Variants in CNTNAP2 observed in about 807,000 individuals in gnomAD.
CNTNAP2 encodes the protein contactin-associated protein-like 2.
In CNTNAP2, 98 loss-of-function variants were observed where a neutral mutation model predicts 155.2. The ratio of observed to expected loss-of-function variants is 0.63; its 90% confidence interval spans 0.54 to 0.75. The LOEUF (loss-of-function observed/expected upper bound fraction) is 0.75. CNTNAP2 is among the 30% of genes least tolerant of loss of function. The pLI is 0.00. For synonymous variants in CNTNAP2, 651 were observed against 631.2 expected (o/e 1.03, Z -0.47); for missense variants, 1,727 against 1,688.1 (o/e 1.02, Z -0.40).
chr7:148,399,249 A>C (rs1229207377), intron 22 of CNTNAP2, among the ~76,000 whole-genome samples: 1 of 152,194 alleles, frequency 6.6e-6, no homozygotes, highest in Non-Finnish European at 1.5e-5. Context: ...CAGAACCAGC[A>C]GTAAGAATGT....
intron 15 of CNTNAP2, among the ~76,000 whole-genome samples, chr7:148,016,126 C>A (rs10261693): frequency 0.11 from 16,080 of 152,230 alleles, 1,187 homozygotes; most frequent in East Asian, 0.24. Context: ...CCTGGCAATT[C>A]GGGCACCAGT....
At chr7:146,925,142 A>G (rs1182921670) in intron 3 of CNTNAP2, among the ~76,000 whole-genome samples, 1 of 152,090 alleles carries the variant, frequency 6.6e-6, no homozygotes, top group Non-Finnish European at 1.5e-5. Flanking sequence ...ATATGCACCC[A>G]TATTGACTTC....
intron 6 of CNTNAP2, among the ~76,000 whole-genome samples, chr7:147,123,143 A>T (rs1386027293): frequency 3.3e-5 from 5 of 152,188 alleles, no homozygotes; most frequent in Non-Finnish European, 7.3e-5. Flanking sequence ...CTTAAAAGCA[A>T]ACTGATTGTT....
chr7:147,178,733 A>C (rs957204404), intron 8 of CNTNAP2, among the ~76,000 whole-genome samples: 1 of 152,218 alleles, frequency 6.6e-6, no homozygotes, highest in Non-Finnish European at 1.5e-5. Flanking sequence ...GACCATATTT[A>C]AGCTAAGAGA....
intron 2 of CNTNAP2, among the ~76,000 whole-genome samples, chr7:146,826,548 C>G (rs1285726269): frequency 6.6e-6 from 1 of 152,056 alleles, no homozygotes; most frequent in Non-Finnish European, 1.5e-5. Flanking sequence ...TCCACTCACT[C>G]TGCTGACCCA....
At chr7:147,543,592 G>T (rs1311459679) in intron 11 of CNTNAP2, among the ~76,000 whole-genome samples, 1 of 152,054 alleles carries the variant, frequency 6.6e-6, no homozygotes, top group Non-Finnish European at 1.5e-5. Context: ...CTATAATAAG[G>T]ACATGAAGAT....
chr7:147,526,320 G>C (rs1487977502), intron 11 of CNTNAP2, among the ~76,000 whole-genome samples: 2 of 152,050 alleles, frequency 1.3e-5, no homozygotes, highest in African/African-American at 4.8e-5. Flanking sequence ...CATTTGTTTG[G>C]GCTTTCTCTT....
chr7:147,194,144 A>G lies in CNTNAP2; in HGVS notation c.1348+61635A>G, dbSNP rs1802736922. ...CCCCTCCGTGTGTCCATGTGCTCTC[A>G]TTGTTCAACTCCCACTTATGAGTGA... On this transcript the variant is annotated intron_variant, in intron 8 of 23. Transcript: ENST00000361727. Among the ~76,000 whole-genome samples, 5 of 146,996 alleles carry G rather than the reference A, an allele frequency of 3.4e-5. No individual in the cohort carries two copies. In the Admixed American group the frequency reaches 3.4e-4, roughly 10 times the overall value.
Position 146,851,648 on chromosome 7 carries a change from T to TTG in CNTNAP2, c.402+11745_402+11746insGT, listed in dbSNP as rs1481597976. 9.8e-4 allele frequency among the ~76,000 whole-genome samples: 131 copies of TTG among 134,008 alleles called. 3 individuals carry two copies. In the East Asian group the frequency reaches 0.029, roughly 30 times the overall value. 87.9% of individuals were successfully genotyped at this position (134,008 alleles called of 152,430 possible). On this transcript the variant is annotated intron_variant, in intron 3 of 23. Transcript: ENST00000361727. The stretch of plus-strand genomic sequence containing the variant: ...CCTGTGTTGCTTTATATCATCTTTC[T>TTG]TCTGTGTGTGTGTGTGTGTGTGTGT...
intron 13 of CNTNAP2, among the ~76,000 whole-genome samples, chr7:147,712,746 G>A (rs957431190): frequency 6.6e-6 from 1 of 152,162 alleles, no homozygotes; most frequent in African/African-American, 2.4e-5. Flanking sequence ...GCCTGTCATG[G>A]GGTGGTGGGA....
At chr7:147,140,283 G>A (rs1197390766) in intron 8 of CNTNAP2, among the ~76,000 whole-genome samples, 1 of 151,806 alleles carries the variant, frequency 6.6e-6, no homozygotes, top group Non-Finnish European at 1.5e-5. Flanking sequence ...CTCTATTGCT[G>A]AACCTCTGTC....
intron 11 of CNTNAP2, among the ~76,000 whole-genome samples, chr7:147,550,407 A>G (rs1005909024): frequency 6.6e-6 from 1 of 152,138 alleles, no homozygotes; most frequent in African/African-American, 2.4e-5. Flanking sequence ...CCCCTGCACA[A>G]TCTCTCTTGC....
At chr7:148,187,242 C>T (rs1287079973) in intron 18 of CNTNAP2, among the ~76,000 whole-genome samples, 2 of 152,172 alleles carry the variant, frequency 1.3e-5, no homozygotes, top group African/African-American at 4.8e-5. Context: ...GCCACCCACA[C>T]ACCGTATCCA....
chr7:147,266,031 G>T lies in CNTNAP2; in HGVS notation c.1349-34110G>T, dbSNP rs767015026. Among the ~76,000 whole-genome samples, 7 of 152,008 alleles carry T rather than the reference G, an allele frequency of 4.6e-5. No individual in the cohort carries two copies. The East Asian group carries it at 1.2e-3, about 25-fold the overall frequency. The stretch of plus-strand genomic sequence containing the variant: ...GAACCAGACAAACTCATGAAGATGA[G>T]AAAGAATCAACCAAAAAAATGCTGA... On this transcript the variant is annotated intron_variant, in intron 8 of 23. Transcript: ENST00000361727.
chr7:147,190,577 T>C (rs886569852), intron 8 of CNTNAP2, among the ~76,000 whole-genome samples: 1 of 152,178 alleles, frequency 6.6e-6, no homozygotes, highest in Non-Finnish European at 1.5e-5. Flanking sequence ...GAACAGTGAA[T>C]GTGACATTAG....
rs6651095 is a variant in CNTNAP2 at position 147,798,194 on chromosome 7, C to T, written c.2099-105371C>T. Among the ~76,000 whole-genome samples the T allele has an allele frequency of 8.8e-3, 1,342 of 152,142 alleles. 24 individuals carry two copies. Among genetic ancestry groups the T allele is most frequent in the African/African-American group, 0.031 (1,273 of 41,482 alleles). ...GCTTTTTGCAAGATTGATGGTGTAA[C>T]TTGAGTAGGTTTGGCAAAAGGAGCA... On this transcript the variant is annotated intron_variant, in intron 13 of 23. Transcript: ENST00000361727.
intron 10 of CNTNAP2, among the ~76,000 whole-genome samples, chr7:147,428,267 A>G (rs1384103308): frequency 1.3e-5 from 2 of 152,164 alleles, no homozygotes; most frequent in African/African-American, 4.8e-5. Context: ...TGAGCCTTAT[A>G]ACCTACTCAA....
chr7:146,712,945 G>T (rs1412142260), intron 1 of CNTNAP2, among the ~76,000 whole-genome samples: 2 of 151,608 alleles, frequency 1.3e-5, no homozygotes, highest in African/African-American at 4.8e-5. Flanking sequence ...TTCCCTTAAT[G>T]TTGATTTCTT....
At chr7:146,914,036 A>G (rs1407375934) in intron 3 of CNTNAP2, among the ~76,000 whole-genome samples, 3 of 152,160 alleles carry the variant, frequency 2.0e-5, no homozygotes, top group Admixed American at 6.6e-5. Flanking sequence ...TACTTCACTT[A>G]GAATAATGGT....
Sources: allele counts gnomAD v4.1 joint callset (sites outside exome capture counted in the v4.1 genomes callset), GRCh38; gene constraint gnomAD v4.1.1; transcripts MANE v1.5; gene names NCBI Gene and HGNC (gene_info 2026-07-23, HGNC 2026-07-21).